The following ARHGAP5 variants were observed in gnomAD, a reference collection of about 807,000 sequenced individuals.
ARHGAP5 encodes rho GTPase-activating protein 5.
ARHGAP5 carries 23 observed loss-of-function variants against 116.6 expected under a neutral mutation model. That is an observed-to-expected ratio of 0.20 (90% CI 0.14 to 0.28). ARHGAP5 has a LOEUF of 0.28. Among genes scored for constraint, ARHGAP5 ranks in the 10% least tolerant of loss-of-function variants. ARHGAP5 has a pLI of 1.00. For synonymous variants in ARHGAP5, 574 were observed against 602.0 expected, an observed-to-expected ratio of 0.95 and a Z score of 0.68; for missense variants, 1,405 against 1,774.8, an observed-to-expected ratio of 0.79 and a Z score of 3.74.
intron 1 of ARHGAP5, among the ~76,000 whole-genome samples, chr14:32,077,804 G>C (rs2041724501): frequency 6.6e-6 from 1 of 152,108 alleles, no homozygotes; most frequent in Non-Finnish European, 1.5e-5. Flanking sequence ...CCGTCGAGAG[G>C]GGAGGTGGCG....
intron 2 of ARHGAP5, among the ~76,000 whole-genome samples, chr14:32,100,607 A>G (rs1202495164): frequency 6.6e-6 from 1 of 152,232 alleles, no homozygotes; most frequent in Non-Finnish European, 1.5e-5. Context: ...AAGGATATGC[A>G]TAGATTATAT....
At chr14:32,102,441 C>T (rs1454705624) in intron 2 of ARHGAP5, among the ~76,000 whole-genome samples, 1 of 152,150 alleles carries the variant, frequency 6.6e-6, no homozygotes, top group Non-Finnish European at 1.5e-5. Flanking sequence ...CTCAGCTGGG[C>T]ATAGTGATGA....
chr14:32,135,758 C>G (rs1880757771), intron 3 of ARHGAP5, among the ~76,000 whole-genome samples: 2 of 152,194 alleles, frequency 1.3e-5, no homozygotes, highest in South Asian at 4.1e-4. Flanking sequence ...CATGCTAAGC[C>G]TAACCACATA....
At chr14:32,108,794 T>C (rs1002988965) in intron 2 of ARHGAP5, among the ~76,000 whole-genome samples, 1 of 152,208 alleles carries the variant, frequency 6.6e-6, no homozygotes, top group African/African-American at 2.4e-5. Flanking sequence ...TAATTTTTGC[T>C]ATACTTACAT....
intron 2 of ARHGAP5, among the ~76,000 whole-genome samples, chr14:32,105,457 T>C (rs1246864540): frequency 6.6e-6 from 1 of 152,156 alleles, no homozygotes; most frequent in Non-Finnish European, 1.5e-5. Flanking sequence ...TTTGAGCTAA[T>C]TGTTGATTCA....
At chr14:32,110,681 G>A (rs900473521) in intron 2 of ARHGAP5, among the ~76,000 whole-genome samples, 1 of 152,200 alleles carries the variant, frequency 6.6e-6, no homozygotes, top group Non-Finnish European at 1.5e-5. Context: ...AGAATGGCCT[G>A]TAGGGAATGA....
chr14:32,096,049 C>T (rs1299476546), intron 2 of ARHGAP5, among the ~76,000 whole-genome samples: 1 of 151,750 alleles, frequency 6.6e-6, no homozygotes, highest in Admixed American at 6.6e-5. Flanking sequence ...TATCCTTTAC[C>T]CATATTTGCC....
At chr14:32,132,675 C>A (rs1322984519) in intron 3 of ARHGAP5, among the ~76,000 whole-genome samples, 4 of 151,476 alleles carry the variant, frequency 2.6e-5, no homozygotes, top group Non-Finnish European at 4.4e-5. Flanking sequence ...CTATGTCCTG[C>A]ATGGTAATGC....
At chr14:32,142,134 C>G (rs900189139) in intron 3 of ARHGAP5, among the ~76,000 whole-genome samples, 1 of 152,062 alleles carries the variant, frequency 6.6e-6, no homozygotes, top group African/African-American at 2.4e-5. Context: ...ATATTCAGTT[C>G]GTTGAGTCAT....
Position 32,092,544 on chromosome 14 carries a change from A to G in ARHGAP5, c.1875A>G (p.Leu625=), listed in dbSNP as rs770852696. 6.2e-7 allele frequency: 1 copy of G among 1,613,734 alleles called. No individual in the cohort carries two copies. Among genetic ancestry groups the G allele is most frequent in the Admixed American group, 1.7e-5 (1 of 59,954 alleles). Residue 625 remains leucine, a synonymous_variant, in exon 2 of 7, where the codon TTA becomes TTG. Transcript: ENST00000345122. This position sits in a 1 kb window ranked among gnomAD's most constrained non-coding sequence, Gnocchi z 4.1. ...RTQSTDDEYA[L]DGKIYELDLR... is the part of the protein sequence containing the mutation. ...AATCCACTGATGATGAGTATGCCTT[A>G]GATGGAAAAATTTATGAACTTGATC... is the stretch of plus-strand genomic sequence containing the variant.
chr14:32,127,136 C>T (rs1177002151), intron 3 of ARHGAP5, among the ~76,000 whole-genome samples: 1 of 151,400 alleles, frequency 6.6e-6, no homozygotes, highest in Non-Finnish European at 1.5e-5. Flanking sequence ...TAGCTGGGAC[C>T]ACAGGTGCGT....
intron 2 of ARHGAP5, among the ~76,000 whole-genome samples, chr14:32,102,246 A>G (rs1335018297): frequency 6.6e-6 from 1 of 152,226 alleles, no homozygotes; most frequent in Non-Finnish European, 1.5e-5. Flanking sequence ...AGTGTGTTCA[A>G]AAGAATGAGA....
At chr14:32,135,296 C>CT (rs1327170661) in intron 3 of ARHGAP5, among the ~76,000 whole-genome samples, 2 of 152,204 alleles carry the variant, frequency 1.3e-5, no homozygotes, top group African/African-American at 4.8e-5. Context: ...ATGAAGGTAA[C>CT]TTAGAGAAGC....
At chr14:32,101,416 C>T (rs1004373163) in intron 2 of ARHGAP5, among the ~76,000 whole-genome samples, 2 of 152,122 alleles carry the variant, frequency 1.3e-5, no homozygotes, top group African/African-American at 4.8e-5. Context: ...TTAGCATTGA[C>T]TTCTGATTTC....
At chr14:32,095,569 A>G (rs1050244542) in intron 2 of ARHGAP5, among the ~76,000 whole-genome samples, 1 of 151,958 alleles carries the variant, frequency 6.6e-6, no homozygotes, top group African/African-American at 2.4e-5. Flanking sequence ...ATGTGCCACC[A>G]TGCCTGGCTA....
intron 4 of ARHGAP5, among the ~76,000 whole-genome samples, chr14:32,147,672 G>C (rs1881440519): frequency 1.3e-5 from 2 of 151,968 alleles, no homozygotes; most frequent in African/African-American, 4.8e-5. Flanking sequence ...TTTTTAAAAG[G>C]GGTGTTGGGG....
chr14:32,089,794 T>G (rs1313356305), intron 1 of ARHGAP5, among the ~76,000 whole-genome samples: 1 of 151,856 alleles, frequency 6.6e-6, no homozygotes, highest in Non-Finnish European at 1.5e-5. Flanking sequence ...ATAAATTTCG[T>G]TATATTTTGC....
At chr14:32,144,872 C>T (rs1209794148) in intron 3 of ARHGAP5, among the ~76,000 whole-genome samples, 1 of 152,164 alleles carries the variant, frequency 6.6e-6, no homozygotes, top group Non-Finnish European at 1.5e-5. Context: ...TGTAATTGCA[C>T]ATTGTATAAT....
At chr14:32,150,073 G>A (rs755702446) in intron 5 of ARHGAP5, 40 bp downstream of exon 5, 18 of 1,483,638 alleles carry the variant, frequency 1.2e-5, no homozygotes, top group Non-Finnish European at 1.5e-5. Context: ...GATGATAATG[G>A]CAGTTTTTGG....
Sources: allele counts gnomAD v4.1 joint callset (sites outside exome capture counted in the v4.1 genomes callset), GRCh38; gene constraint gnomAD v4.1.1; non-coding constraint Gnocchi (gnomAD v3.1); transcripts MANE v1.5; gene names NCBI Gene and HGNC (gene_info 2026-07-23, HGNC 2026-07-21).